AGAP1: variants seen among roughly 807,000 people sequenced by gnomAD.
AGAP1 encodes ArfGAP with GTPase domain, ankyrin repeat and PH domain 1, also known as arf-GAP with GTPase, ANK repeat and PH domain-containing protein 1.
In AGAP1, 29 loss-of-function variants were observed where a neutral mutation model predicts 105.3. The ratio of observed to expected loss-of-function variants is 0.28; its 90% CI spans 0.21 to 0.38. AGAP1 has a LOEUF of 0.38. Among genes scored for constraint, AGAP1 ranks in the 10% least tolerant of loss-of-function variants. The pLI, the probability that AGAP1 is intolerant of heterozygous loss-of-function variation, is 1.00. For synonymous variants in AGAP1, 509 were observed against 485.9 expected (o/e 1.05, Z -0.63); for missense variants, 998 against 1,165.1 (o/e 0.86, Z 2.09).
Position 235,901,238 on chromosome 2 carries a change from G to C in AGAP1, c.1156-7500G>C, listed in dbSNP as rs2051049540. Among the ~76,000 whole-genome samples the C allele has an allele frequency of 6.6e-6, 1 of 151,042 alleles. No homozygotes were observed. The highest frequency in any genetic ancestry group is 2.4e-5 in the African/African-American group (1 of 41,156). The stretch of plus-strand genomic sequence containing the variant: ...TCCTTTGAATATAATATTAAATGGA[G>C]TTTGGGAATAGTAGTGAACTTTACA... On this transcript the variant is annotated intron_variant, in intron 10 of 17. Transcript: ENST00000304032. This position sits in a 1 kb window ranked among gnomAD's most constrained non-coding sequence, Gnocchi z 4.3.
Position 235,965,386 on chromosome 2 carries a change from C to T in AGAP1, c.1484-3076C>T, listed in dbSNP as rs1042142256. ...GCATGATAAGGGAAAGGAAGTCTTA[C>T]GGGGGCGAAGGAAGGCACAGTGAAA... is the stretch of plus-strand genomic sequence containing the variant. On this transcript the variant is annotated intron_variant, in intron 12 of 17. Transcript: ENST00000304032. The surrounding 1 kb of genome is among the most constrained non-coding windows in gnomAD (Gnocchi z 5.8). Among the ~76,000 whole-genome samples, 4 of 152,184 alleles carry T rather than the reference C, an allele frequency of 2.6e-5. No homozygotes were observed. Among genetic ancestry groups the T allele is most frequent in the South Asian group, 2.1e-4 (1 of 4,812 alleles).
At chr2:235,579,775 C>CAAA (rs1392097872) in intron 1 of AGAP1, among the ~76,000 whole-genome samples, 3 of 127,348 alleles carry the variant, frequency 2.4e-5, no homozygotes, top group Non-Finnish European at 3.4e-5. Context: ...GACTCCATCT[C>CAAA]AAAAAAAAAA....
chr2:235,550,910 G>A lies in AGAP1; in HGVS notation c.163+56061G>A, dbSNP rs899449289. The stretch of plus-strand genomic sequence containing the variant: ...CTGCCTCAGCCTCCTGAGTAGCTGG[G>A]ACTACAGGCGTGCACCACCACACCC... On this transcript the variant is annotated intron_variant, in intron 1 of 17. Transcript: ENST00000304032. This position sits in a 1 kb window ranked among gnomAD's most constrained non-coding sequence, Gnocchi z 4.6. Among the ~76,000 whole-genome samples, 1 of 152,184 alleles carries A rather than the reference G, an allele frequency of 6.6e-6. No homozygotes were observed. The highest frequency in any genetic ancestry group is 1.9e-4 in the East Asian group (1 of 5,164).
Position 235,578,821 on chromosome 2 carries a change from A to G in AGAP1, c.163+83972A>G, listed in dbSNP as rs576709083. On this transcript the variant is annotated intron_variant, in intron 1 of 17. Transcript: ENST00000304032. This position sits in a 1 kb window ranked among gnomAD's most constrained non-coding sequence, Gnocchi z 4.9. Reference sequence around the variant, plus strand: ...AAAAATTTTTTTTTTACAATAAGCTATTTAAATAAACATTTGTGTATAGCC... The same window carrying G: ...AAAAATTTTTTTTTTACAATAAGCTGTTTAAATAAACATTTGTGTATAGCC... Among the ~76,000 whole-genome samples the G allele has an allele frequency of 4.0e-5, 6 of 151,212 alleles. No homozygotes were observed. The highest frequency in any genetic ancestry group is 2.1e-4 in the South Asian group (1 of 4,766).
intron 13 of AGAP1, among the ~76,000 whole-genome samples, chr2:235,985,456 A>T (rs1275355077): frequency 6.6e-6 from 1 of 152,184 alleles, no homozygotes; most frequent in Non-Finnish European, 1.5e-5. Flanking sequence ...TAGTTTAATT[A>T]GATCCCATTT....
rs1198555501 is a variant in AGAP1, at chr2:235,656,877, AGGAGAGGCAT to A, written c.164-52301_164-52292del. 6.6e-5 allele frequency among the ~76,000 whole-genome samples: 10 copies of A among 152,348 alleles called. No individual in the cohort carries two copies. In the South Asian group the frequency reaches 1.7e-3, roughly 25 times the overall value. On this transcript the variant is annotated intron_variant, in intron 1 of 17. Transcript: ENST00000304032. The stretch of plus-strand genomic sequence containing the variant: ...GTCCTTTAACATAACAGAAAGGAAA[AGGAGAGGCAT>A]CCTATTCGGTTTTGCACTAGGGGTC...
Position 235,883,597 on chromosome 2 carries a change from C to A in AGAP1, c.1155+148C>A. ...CCTGCTCAACTGTGAGATAAATAAC[C>A]CTGTTCCTCACACTCCACTAGACCA... On this transcript the variant is annotated intron_variant, in intron 10 of 17. Transcript: ENST00000304032. This position sits in a 1 kb window ranked among gnomAD's most constrained non-coding sequence, Gnocchi z 4.5. The A allele has an allele frequency of 1.6e-6, 1 of 626,622 alleles. No individual in the cohort carries two copies. Among genetic ancestry groups the A allele is most frequent in the Non-Finnish European group, 2.8e-6 (1 of 356,422 alleles). The allele number at this position is 626,622 out of a possible 1,614,324, so 38.8% of individuals were successfully genotyped here. A position where few individuals can be genotyped will look rare whatever the true frequency, so the allele number is the denominator to read the frequency against.
chr2:235,806,580 A>G (rs1447372516), intron 8 of AGAP1, among the ~76,000 whole-genome samples: 1 of 152,212 alleles, frequency 6.6e-6, no homozygotes, highest in Non-Finnish European at 1.5e-5. Context: ...TAATTGACTC[A>G]GGACCTTGTC....
At chr2:235,941,697 G>A (rs1472435613) in intron 12 of AGAP1, among the ~76,000 whole-genome samples, 3 of 152,078 alleles carry the variant, frequency 2.0e-5, no homozygotes, top group South Asian at 4.1e-4. Flanking sequence ...CGTATGCAGT[G>A]GTGTCCCAGG....
At chr2:235,511,150 G>T (rs1023960323) in intron 1 of AGAP1, among the ~76,000 whole-genome samples, 1 of 152,144 alleles carries the variant, frequency 6.6e-6, no homozygotes, top group African/African-American at 2.4e-5. Flanking sequence ...CCAAGATCCC[G>T]CAATGCCTGG....
At chr2:235,742,217 C>T (rs1371218640) in intron 4 of AGAP1, among the ~76,000 whole-genome samples, 1 of 152,172 alleles carries the variant, frequency 6.6e-6, no homozygotes, top group Non-Finnish European at 1.5e-5. Context: ...GAATACAGGA[C>T]TTCTTAGGCC....
intron 12 of AGAP1, among the ~76,000 whole-genome samples, 183 bp from the exon 13 acceptor site, chr2:235,968,279 G>T (rs574325701): frequency 6.6e-6 from 1 of 152,246 alleles, no homozygotes; most frequent in South Asian, 2.1e-4. Context: ...GAGCAAGGGG[G>T]ACTGAGCCCA....
chr2:235,697,734 A>G (rs1473418961), intron 1 of AGAP1, among the ~76,000 whole-genome samples: 1 of 152,236 alleles, frequency 6.6e-6, no homozygotes, highest in Non-Finnish European at 1.5e-5. Flanking sequence ...TAATTTCACC[A>G]TGAATTAAAC....
At chr2:235,794,565 C>T (rs901584267) in intron 6 of AGAP1, among the ~76,000 whole-genome samples, 11 of 152,236 alleles carry the variant, frequency 7.2e-5, no homozygotes, top group African/African-American at 2.2e-4. Context: ...TCTGCCTCCC[C>T]GGTTCAAGTG....
chr2:235,802,994 G>T (rs796705950), intron 8 of AGAP1, among the ~76,000 whole-genome samples: 3 of 45,774 alleles, frequency 6.6e-5, no homozygotes, highest in South Asian at 8.3e-4. Context: ...TGGTTGTGAT[G>T]GTGGTGATGG....
chr2:236,029,446 T>A (rs531802377), intron 13 of AGAP1, among the ~76,000 whole-genome samples: 2 of 151,636 alleles, frequency 1.3e-5, no homozygotes, highest in Non-Finnish European at 2.9e-5. Context: ...CAGCCATTTT[T>A]TTTTTTTTTT....
At chr2:235,771,984 T>C (rs565124365) in intron 6 of AGAP1, among the ~76,000 whole-genome samples, 4 of 149,234 alleles carry the variant, frequency 2.7e-5, no homozygotes, top group East Asian at 2.0e-4. Flanking sequence ...TTTCTTTTTT[T>C]TTTTCTTTTC....
rs1956755479 is a variant in AGAP1 at position 235,788,040 on chromosome 2, G to T, written c.674-9719G>T. 6.6e-6 allele frequency among the ~76,000 whole-genome samples: 1 copy of T among 152,152 alleles called. No individual in the cohort carries two copies. The highest frequency in any genetic ancestry group is 2.4e-5 in the African/African-American group (1 of 41,430). ...CATTCTGGGACCTTCCTAGGCCATT[G>T]GCATCAACGCTGCAGCCTCTGAGTC... On this transcript the variant is annotated intron_variant, in intron 6 of 17. Coordinates refer to ENST00000304032, the MANE Select transcript of AGAP1 (RefSeq NM_001037131.3). The surrounding 1 kb of genome is among the most constrained non-coding windows in gnomAD (Gnocchi z 6.0).
chr2:235,916,915 G>A (rs1184758750), intron 11 of AGAP1, among the ~76,000 whole-genome samples: 1 of 152,154 alleles, frequency 6.6e-6, no homozygotes, highest in Non-Finnish European at 1.5e-5. Context: ...TGGCAGCAAG[G>A]GGGCAGACAG....
Sources: allele counts gnomAD v4.1 joint callset (sites outside exome capture counted in the v4.1 genomes callset), GRCh38; gene constraint gnomAD v4.1.1; non-coding constraint Gnocchi (gnomAD v3.1); transcripts MANE v1.5; gene names NCBI Gene and HGNC (gene_info 2026-07-23, HGNC 2026-07-21).